The following GABRA3 variants were observed in gnomAD, a reference collection of about 807,000 sequenced individuals.
The protein encoded by GABRA3 is gamma-aminobutyric acid type A receptor subunit alpha3.
In GABRA3, 10 loss-of-function variants were observed where a neutral mutation model predicts 30.1. The ratio of observed to expected loss-of-function variants is 0.33; its 90% CI spans 0.20 to 0.56. GABRA3 has a LOEUF of 0.56. Among genes scored for constraint, GABRA3 ranks in the 20% least tolerant of loss-of-function variants. The pLI, the probability that GABRA3 is intolerant of heterozygous loss-of-function variation, is 0.89. For synonymous variants in GABRA3, 151 were observed against 146.8 expected, an observed-to-expected ratio of 1.03 and a Z score of -0.21; for missense variants, 233 against 392.0, an observed-to-expected ratio of 0.59 and a Z score of 3.42.
At chrX:152,191,003 G>A (rs1227293141) in intron 8 of GABRA3, among the ~76,000 whole-genome samples, 5 of 108,860 alleles carry the variant, frequency 4.6e-5, no homozygotes, top group Non-Finnish European at 9.5e-5. Flanking sequence ...ACCCCAGAGA[G>A]CCTCAGTTTA....
intron 7 of GABRA3, among the ~76,000 whole-genome samples, chrX:152,207,404 A>G (rs1937566686): frequency 8.9e-6 from 1 of 111,840 alleles, no homozygotes; most frequent in Non-Finnish European, 1.9e-5. Flanking sequence ...GGCCATTTCC[A>G]AATGGACAGA....
chrX:152,418,465 C>A (rs966282710), intron 1 of GABRA3, among the ~76,000 whole-genome samples: 1 of 111,310 alleles, frequency 9.0e-6, no homozygotes, highest in Non-Finnish European at 1.9e-5. Flanking sequence ...CAGAAAACAT[C>A]TTGTACTACC....
At chrX:152,201,344 A>G (rs1034425393) in intron 7 of GABRA3, among the ~76,000 whole-genome samples, 2 of 80,419 alleles carry the variant, frequency 2.5e-5, no homozygotes, top group African/African-American at 7.9e-5. Context: ...TGTGTTGTAT[A>G]TGAAATATTC....
At chrX:152,326,047 C>T (rs889764673) in intron 3 of GABRA3, among the ~76,000 whole-genome samples, 1 of 111,169 alleles carries the variant, frequency 9.0e-6, no homozygotes, top group African/African-American at 3.3e-5. Context: ...ACTAGGACTA[C>T]GTGACACATG....
chrX:152,328,675 A>C (rs1940108842), intron 3 of GABRA3, among the ~76,000 whole-genome samples: 1 of 111,754 alleles, frequency 8.9e-6, no homozygotes, highest in South Asian at 3.7e-4. Context: ...ACTCCCAATA[A>C]ACTAGGTATT....
intron 1 of GABRA3, among the ~76,000 whole-genome samples, chrX:152,379,503 T>TA (rs992424543): frequency 9.1e-6 from 1 of 110,399 alleles, no homozygotes; most frequent in Non-Finnish European, 1.9e-5. Flanking sequence ...TAAAAAGATT[T>TA]AAAAAAAAGT....
At chrX:152,372,173 A>C (rs114430608) in intron 1 of GABRA3, among the ~76,000 whole-genome samples, 1,956 of 110,477 alleles carry the variant, frequency 0.018, 51 homozygotes, top group African/African-American at 0.06. Context: ...TTAGAAAAAA[A>C]AATATATATA....
chrX:152,373,094 T>C (rs1414922367), intron 1 of GABRA3, among the ~76,000 whole-genome samples: 3 of 112,090 alleles, frequency 2.7e-5, no homozygotes, highest in Non-Finnish European at 5.6e-5. Context: ...CAGTTCATAC[T>C]TCTATCTTTT....
chrX:152,275,121 A>AT (rs1939021599), intron 4 of GABRA3, among the ~76,000 whole-genome samples: 1 of 77,893 alleles, frequency 1.3e-5, no homozygotes, highest in South Asian at 5.5e-4. Context: ...TTTAATTTAA[A>AT]CATTAAATAT....
intron 1 of GABRA3, among the ~76,000 whole-genome samples, chrX:152,418,903 A>G (rs1647583916): frequency 9.0e-6 from 1 of 111,664 alleles, no homozygotes; most frequent in Non-Finnish European, 1.9e-5. Context: ...AATGTCCATC[A>G]ATGATAGACT....
intron 1 of GABRA3, among the ~76,000 whole-genome samples, chrX:152,422,302 C>T (rs1930392621): frequency 1.8e-5 from 2 of 111,209 alleles, no homozygotes; most frequent in South Asian, 7.4e-4. Flanking sequence ...CAAGAAAGTA[C>T]ATACTGGAGT....
chrX:152,420,413 T>A (rs1930345283), intron 1 of GABRA3, among the ~76,000 whole-genome samples: 1 of 111,354 alleles, frequency 9.0e-6, no homozygotes, highest in African/African-American at 3.3e-5. Flanking sequence ...GAGCACAAGA[T>A]CAATATTCTA....
At position 152,167,424 on chromosome X, in the gene GABRA3, C is replaced by T. The variant is rs911524370; in HGVS notation, c.*804G>A. On this transcript the variant is annotated 3_prime_UTR_variant, in exon 10 of 10. Transcript: ENST00000370314. ...TCGATATAAATAAAAAATGCTTGAT[C>T]ATTTTTTCCTGAAAAGTTTACAGGT... is the stretch of plus-strand genomic sequence containing the variant. 2 of 111,994 alleles carry T rather than the reference C, an allele frequency of 1.8e-5. No individual in the cohort carries two copies. The highest frequency in any genetic ancestry group is 6.5e-5 in the African/African-American group (2 of 30,741). The allele number at this position is 111,994 out of a possible 1,213,427, so 9.2% of individuals were successfully genotyped here.
intron 5 of GABRA3, among the ~76,000 whole-genome samples, chrX:152,237,914 G>C (rs1938261655): frequency 9.0e-6 from 1 of 110,581 alleles, no homozygotes; most frequent in Non-Finnish European, 1.9e-5. Context: ...GGGTTTTCTA[G>C]ATATACAATC....
chrX:152,281,435 G>A lies in GABRA3; in HGVS notation c.330+3233C>T, dbSNP rs1939197396. Among the ~76,000 whole-genome samples, 4 of 111,983 alleles carry A rather than the reference G, an allele frequency of 3.6e-5. No homozygotes were observed. In the South Asian group the frequency reaches 1.5e-3, roughly 42 times the overall value. On this transcript the variant is annotated intron_variant, in intron 4 of 9. Transcript: ENST00000370314. The stretch of plus-strand genomic sequence containing the variant: ...GGAGCTATGATGCTTTGTGTGACCA[G>A]CAAGCTCAATTTGTTGCAAATGAAT...
chrX:152,427,423 G>A (rs1930539772), intron 1 of GABRA3, among the ~76,000 whole-genome samples: 3 of 111,251 alleles, frequency 2.7e-5, no homozygotes, highest in African/African-American at 6.5e-5. Flanking sequence ...CCTCTCCCTG[G>A]AATATTCTTA....
chrX:152,321,368 A>AG (rs1939961356), intron 3 of GABRA3, among the ~76,000 whole-genome samples: 2 of 111,721 alleles, frequency 1.8e-5, no homozygotes, highest in African/African-American at 6.5e-5. Flanking sequence ...GGTAAAATAC[A>AG]GGGAATCAAT....
At chrX:152,220,179 A>G (rs903723125) in intron 6 of GABRA3, among the ~76,000 whole-genome samples, 3 of 111,795 alleles carry the variant, frequency 2.7e-5, no homozygotes, top group African/African-American at 9.7e-5. Flanking sequence ...AGGAATTCCA[A>G]CTTCTTGTTC....
At chrX:152,319,737 T>C (rs1251652533) in intron 3 of GABRA3, among the ~76,000 whole-genome samples, 2 of 111,397 alleles carry the variant, frequency 1.8e-5, no homozygotes, top group Non-Finnish European at 3.8e-5. Flanking sequence ...TGGGACTTAA[T>C]TAACCTAGAG....
Sources: gnomAD v4.1 joint callset for allele counts (sites outside exome capture counted in the v4.1 genomes callset) on GRCh38, gnomAD v4.1.1 for gene constraint, MANE v1.5 for transcripts, NCBI Gene and HGNC (gene_info 2026-07-23, HGNC 2026-07-21) for gene names.